CRLF3: variants seen among roughly 807,000 people sequenced by gnomAD.
CRLF3 encodes cytokine receptor-like factor 3.
Under a neutral mutation model 55.0 loss-of-function variants are expected in CRLF3, and 33 were observed. The observed-to-expected ratio is 0.60, with a 90% CI of 0.46 to 0.80. CRLF3 has a LOEUF of 0.80. CRLF3 is among the 30% of genes least tolerant of loss of function. CRLF3 has a pLI of 0.00. For missense variants in CRLF3, 494 were observed against 538.4 expected, an observed-to-expected ratio of 0.92 and a Z score of 0.82; for synonymous variants, 238 against 196.8, an observed-to-expected ratio of 1.21 and a Z score of -1.75.
At chr17:30,790,872 TC>T (rs1019671546) in intron 6 of CRLF3, 2 of 152,186 alleles carry the variant, frequency 1.3e-5, no homozygotes, top group African/African-American at 4.8e-5. Context: ...CACCTCGGCC[TC>T]CCAAAGTGCT....
chr17:30,808,072 T>C (rs1305945242), intron 1 of CRLF3, among the ~76,000 whole-genome samples: 1 of 152,100 alleles, frequency 6.6e-6, no homozygotes. Context: ...CTACATAGCA[T>C]CTGGTAAACA....
intron 6 of CRLF3, among the ~76,000 whole-genome samples, chr17:30,788,754 C>G (rs571474089): frequency 6.6e-6 from 1 of 151,628 alleles, no homozygotes; most frequent in African/African-American, 2.4e-5. Context: ...ATTACAGGCA[C>G]ACACCACCAC....
At position 30,787,935 on chromosome 17, in the gene CRLF3, G is replaced by A. The variant is rs952977344; in HGVS notation, c.960-1904C>T. On this transcript the variant is annotated intron_variant, in intron 6 of 7. Transcript: ENST00000324238. ...GGGTCACTTGAACCTGTGAGATGGC[G>A]ATTGCAGTGAGCTGAGATCATGCCA... Among the ~76,000 whole-genome samples the A allele has an allele frequency of 3.6e-4, 55 of 152,024 alleles. 1 individual carries two copies. The highest frequency in any genetic ancestry group is 1.3e-4 in the Admixed American group (2 of 15,276).
At chr17:30,820,966 G>T (rs1904977757) in intron 1 of CRLF3, among the ~76,000 whole-genome samples, 1 of 151,868 alleles carries the variant, frequency 6.6e-6, no homozygotes, top group Non-Finnish European at 1.5e-5. Context: ...GAGACAGGAG[G>T]ATGGCTTGAG....
At chr17:30,803,176 T>A (rs6505213) in intron 2 of CRLF3, among the ~76,000 whole-genome samples, 6,353 of 136,230 alleles carry the variant, frequency 0.047, 269 homozygotes, top group African/African-American at 0.12. Context: ...AAAAAAAAAA[T>A]ATATATATAT....
At chr17:30,787,934 C>T (rs551583899) in intron 6 of CRLF3, among the ~76,000 whole-genome samples, 1 of 149,488 alleles carries the variant, frequency 6.7e-6, no homozygotes, top group African/African-American at 2.5e-5. Context: ...TGTGAGATGG[C>T]GATTGCAGTG....
At chr17:30,793,793 G>T in intron 4 of CRLF3, 121 bp from the exon 5 acceptor site, 1 of 629,616 alleles carries the variant, frequency 1.6e-6, no homozygotes. Context: ...GCTGAATATG[G>T]GGTATTCTTG....
chr17:30,797,940 ATTT>A (rs561112215), intron 2 of CRLF3, among the ~76,000 whole-genome samples: 1,472 of 125,130 alleles, frequency 0.012, 17 homozygotes, highest in African/African-American at 0.04. Context: ...ATGCCCAGCT[ATTT>A]TTTTTTTTTT....
chr17:30,787,991 C>T (rs534626545), intron 6 of CRLF3, among the ~76,000 whole-genome samples: 17 of 150,634 alleles, frequency 1.1e-4, no homozygotes, highest in African/African-American at 3.7e-4. Flanking sequence ...CAGAGCGAGA[C>T]CTTGTCTTAA....
chr17:30,817,593 T>C lies in CRLF3; in HGVS notation c.129+6930A>G, dbSNP rs542666409. On this transcript the variant is annotated intron_variant, in intron 1 of 7. Transcript: ENST00000324238. ...AGTCTCTCAACTTTGCAGAATAATATGTATAGAAAGATACATCAAAATGTT... is the reference window on the plus strand; with the variant it reads ...AGTCTCTCAACTTTGCAGAATAATACGTATAGAAAGATACATCAAAATGTT... Among the ~76,000 whole-genome samples, 3 of 152,146 alleles carry C rather than the reference T, an allele frequency of 2.0e-5. No individual in the cohort carries two copies. The East Asian group carries it at 5.8e-4, about 29-fold the overall frequency.
At position 30,797,415 on chromosome 17, in the gene CRLF3, G is replaced by T; in HGVS notation, c.338-17C>A. 1 of 1,590,540 alleles carries T rather than the reference G, an allele frequency of 6.3e-7. No homozygotes were observed. The highest frequency in any genetic ancestry group is 2.2e-5 in the East Asian group (1 of 44,782). Reference sequence around the variant, plus strand: ...CGATTTCACCTACAATCAAGAATAAGAGAACTAGAACAATGAAAATGGTCA... The same window carrying T: ...CGATTTCACCTACAATCAAGAATAATAGAACTAGAACAATGAAAATGGTCA... On this transcript the variant is annotated splice_polypyrimidine_tract_variant and intron_variant, in intron 2 of 7. Transcript: ENST00000324238.
chr17:30,813,240 A>T (rs1904679231), intron 1 of CRLF3, among the ~76,000 whole-genome samples: 1 of 152,204 alleles, frequency 6.6e-6, no homozygotes, highest in African/African-American at 2.4e-5. Flanking sequence ...TGTCTGCCAA[A>T]TTACACCCAC....
At chr17:30,808,209 G>A (rs1261287433) in intron 1 of CRLF3, among the ~76,000 whole-genome samples, 4 of 150,888 alleles carry the variant, frequency 2.7e-5, no homozygotes, top group Admixed American at 6.6e-5. Flanking sequence ...AGAATCTCAG[G>A]CCCCACCCAG....
chr17:30,809,066 T>C (rs572309885), intron 1 of CRLF3, among the ~76,000 whole-genome samples: 5 of 152,324 alleles, frequency 3.3e-5, no homozygotes, highest in African/African-American at 1.2e-4. Flanking sequence ...GGATATAGCA[T>C]ACACAGGAAG....
At chr17:30,789,297 T>G (rs1971730274) in intron 6 of CRLF3, among the ~76,000 whole-genome samples, 1 of 152,218 alleles carries the variant, frequency 6.6e-6, no homozygotes, top group Admixed American at 6.5e-5. Context: ...GAGGTGAATT[T>G]AAATCAATTT....
intron 1 of CRLF3, among the ~76,000 whole-genome samples, chr17:30,808,175 C>A (rs1904479093): frequency 1.3e-5 from 2 of 152,036 alleles, no homozygotes; most frequent in East Asian, 1.9e-4. Flanking sequence ...TTTAACACAA[C>A]CCCTGGGATA....
rs1404301043 is a variant in CRLF3, at chr17:30,804,106, G to C, written c.132C>G (p.Ile44Met). The change falls in exon 2 of 8, where the codon ATC becomes ATG. Residue 44 changes from isoleucine to methionine, a missense_variant and splice_region_variant. Transcript: ENST00000324238. ...LEGLREARRQ[I>M]KESASQTRDV... ...CCCTTGTCTGTGATGCACTTTCTTT[G>C]ATCTAAAAAGAAATAACAAAATACT... 2 of 1,601,738 alleles carry C rather than the reference G, an allele frequency of 1.2e-6. No homozygotes were observed. The highest frequency in any genetic ancestry group is 3.4e-5 in the Admixed American group (2 of 59,458).
chr17:30,797,411 A>G lies in CRLF3; in HGVS notation c.338-13T>C, dbSNP rs765019235. The G allele has an allele frequency of 1.3e-6, 2 of 1,596,602 alleles. No homozygotes were observed. Among genetic ancestry groups the G allele is most frequent in the Non-Finnish European group, 1.7e-6 (2 of 1,164,078 alleles). ...ATGGCGATTTCACCTACAATCAAGA[A>G]TAAGAGAACTAGAACAATGAAAATG... On this transcript the variant is annotated splice_polypyrimidine_tract_variant and intron_variant, in intron 2 of 7. Transcript: ENST00000324238.
chr17:30,807,845 C>G (rs911060650), intron 1 of CRLF3, among the ~76,000 whole-genome samples: 1 of 152,012 alleles, frequency 6.6e-6, no homozygotes, highest in Non-Finnish European at 1.5e-5. Flanking sequence ...TTGACATTAA[C>G]GCAGTTATAA....
Sources: allele counts gnomAD v4.1 joint callset (sites outside exome capture counted in the v4.1 genomes callset), GRCh38; gene constraint gnomAD v4.1.1; transcripts MANE v1.5; gene names NCBI Gene and HGNC (gene_info 2026-07-23, HGNC 2026-07-21).